ZNF33B: variants seen among roughly 807,000 people sequenced by gnomAD.
ZNF33B encodes zinc finger protein 33B.
In ZNF33B, 29 loss-of-function variants were observed where a neutral mutation model predicts 45.8. That is an observed-to-expected ratio of 0.63 (90% confidence interval 0.47 to 0.86). The LOEUF is 0.86. ZNF33B is among the 40% of genes least tolerant of loss of function. The pLI is 0.00. For missense variants in ZNF33B, 831 were observed against 909.9 expected (o/e 0.91, Z 1.12); for synonymous variants, 305 against 307.8 (o/e 0.99, Z 0.10).
intron 4 of ZNF33B, among the ~76,000 whole-genome samples, chr10:42,596,962 A>G (rs1430799629): frequency 6.6e-6 from 1 of 151,120 alleles, no homozygotes; most frequent in Admixed American, 6.6e-5. Flanking sequence ...TTATACTATC[A>G]GGTATGAGTG....
At chr10:42,625,661 T>A (rs545364720) in intron 4 of ZNF33B, among the ~76,000 whole-genome samples, 1 of 152,290 alleles carries the variant, frequency 6.6e-6, no homozygotes, top group South Asian at 2.1e-4. Context: ...TTAGTAGAGA[T>A]GGGGTTTCTC....
intron 1 of ZNF33B, among the ~76,000 whole-genome samples, chr10:42,576,791 A>G (rs1429275487): frequency 6.6e-6 from 1 of 152,188 alleles, no homozygotes; most frequent in Non-Finnish European, 1.5e-5. Flanking sequence ...GACAGAAACC[A>G]AAGAGTAATC....
chr10:42,586,843 A>C (rs537045419), downstream of ZNF33B, among the ~76,000 whole-genome samples: 2 of 152,346 alleles, frequency 1.3e-5, no homozygotes, highest in East Asian at 3.9e-4. Flanking sequence ...TGAACCATGT[A>C]CTATAACAAA....
At chr10:42,579,165 T>C (rs1432405055) in intron 1 of ZNF33B, among the ~76,000 whole-genome samples, 2 of 152,192 alleles carry the variant, frequency 1.3e-5, no homozygotes, top group Admixed American at 1.3e-4. Flanking sequence ...GACCACCCTT[T>C]GAAGATAACA....
At chr10:42,583,984 C>G (rs548194191) in intron 1 of ZNF33B, among the ~76,000 whole-genome samples, 1 of 152,314 alleles carries the variant, frequency 6.6e-6, no homozygotes, top group South Asian at 2.1e-4. Flanking sequence ...AGCTGCAGCA[C>G]AGCAACCTGT....
intron 4 of ZNF33B, among the ~76,000 whole-genome samples, chr10:42,604,344 C>T (rs1589038285): frequency 6.6e-6 from 1 of 152,110 alleles, no homozygotes; most frequent in Non-Finnish European, 1.5e-5. Context: ...ACTCTGGAGG[C>T]TGAGGCAAGA....
In ZNF33B at chr10:42,614,366, G is replaced by A. The variant is rs192143658; in HGVS notation, c.250+17563C>T. ...ACCATAGCCAAGAGGAGCCTAAAGA[G>A]ACATAACAACTAAATGTAATATGGT... is the stretch of plus-strand genomic sequence containing the variant. On this transcript the variant is annotated intron_variant, in intron 4 of 4. Coordinates refer to ENST00000359467, the MANE Select transcript of ZNF33B (RefSeq NM_006955.3). 1.5e-3 allele frequency: 230 copies of A among 153,656 alleles called. 2 individuals carry two copies. Among genetic ancestry groups the A allele is most frequent in the Non-Finnish European group, 7.3e-4 (50 of 68,218 alleles). The allele number at this position is 153,656 out of a possible 1,614,324, so 9.5% of individuals were successfully genotyped here.
chr10:42,607,156 T>C (rs1032857739), intron 4 of ZNF33B, among the ~76,000 whole-genome samples: 2 of 152,098 alleles, frequency 1.3e-5, no homozygotes, highest in Non-Finnish European at 2.9e-5. Context: ...GAGCTATATA[T>C]AGGTAATGTT....
chr10:42,592,413 G>A lies in ZNF33B; in HGVS notation c.*200C>T, dbSNP rs1837167105. 3 of 807,492 alleles carry A rather than the reference G, an allele frequency of 3.7e-6. No homozygotes were observed. In the Admixed American group the frequency reaches 9.6e-5, roughly 26 times the overall value. 50.0% of individuals were successfully genotyped at this position (807,492 alleles called of 1,614,324 possible). On this transcript the variant is annotated 3_prime_UTR_variant, in exon 5 of 5. Transcript: ENST00000359467. Reference sequence around the variant, plus strand: ...AGTATTAACCATCTGATATTCAACAGAATATCACTTCCTAACAAAAGCCAT... The same window carrying A: ...AGTATTAACCATCTGATATTCAACAAAATATCACTTCCTAACAAAAGCCAT...
intron 4 of ZNF33B, among the ~76,000 whole-genome samples, chr10:42,621,813 G>A (rs1022789854): frequency 4.1e-5 from 6 of 145,300 alleles, no homozygotes; most frequent in Non-Finnish European, 6.1e-5. Flanking sequence ...ACCCACTTTT[G>A]CCAGTGCTAT....
chr10:42,631,448 G>A (rs1839050246), intron 4 of ZNF33B, among the ~76,000 whole-genome samples: 1 of 152,102 alleles, frequency 6.6e-6, no homozygotes, highest in Admixed American at 6.5e-5. Flanking sequence ...CAAGTGATCT[G>A]CTCACCTCGA....
At chr10:42,636,149 A>C (rs1258444083) in intron 2 of ZNF33B, among the ~76,000 whole-genome samples, 1 of 152,160 alleles carries the variant, frequency 6.6e-6, no homozygotes, top group East Asian at 1.9e-4. Flanking sequence ...AAAATAAAAA[A>C]TTTAAAATTA....
chr10:42,593,413 T>G lies in ZNF33B; in HGVS notation c.1537A>C (p.Thr513Pro). Residue 513 changes from threonine to proline, a missense_variant, in exon 5 of 5, where the codon ACC becomes CCC. Thr to Pro is a conservative substitution (Grantham distance 38). Transcript: ENST00000359467. ...GKTFYHKSVL[T>P]RHQIIHTGLK... is the part of the protein sequence containing the mutation. ...CCTGTATGAATTATCTGATGCCTGGTGAGTACTGACTTGTGGTAGAAAGTT... is the reference window on the plus strand; with the variant it reads ...CCTGTATGAATTATCTGATGCCTGGGGAGTACTGACTTGTGGTAGAAAGTT... The G allele has an allele frequency of 1.9e-6, 3 of 1,614,038 alleles. No homozygotes were observed. The highest frequency in any genetic ancestry group is 2.5e-6 in the Non-Finnish European group (3 of 1,179,972).
intron 4 of ZNF33B, among the ~76,000 whole-genome samples, chr10:42,624,418 AAT>A (rs1838713838): frequency 1.3e-5 from 2 of 152,200 alleles, no homozygotes; most frequent in Admixed American, 1.3e-4. Flanking sequence ...TATAGCTATT[AAT>A]ATATACATAC....
At chr10:42,580,869 G>A (rs1341037373) in intron 1 of ZNF33B, among the ~76,000 whole-genome samples, 2 of 151,684 alleles carry the variant, frequency 1.3e-5, no homozygotes, top group Admixed American at 6.6e-5. Flanking sequence ...ACTCCAGCCT[G>A]GGTAACAGAG....
At chr10:42,622,990 G>A (rs929595379) in intron 4 of ZNF33B, among the ~76,000 whole-genome samples, 5 of 152,260 alleles carry the variant, frequency 3.3e-5, no homozygotes, top group East Asian at 1.9e-4. Flanking sequence ...AGGTACGGCC[G>A]GGTGCGGTGG....
At chr10:42,598,323 G>C (rs1837483455) in intron 4 of ZNF33B, among the ~76,000 whole-genome samples, 1 of 152,238 alleles carries the variant, frequency 6.6e-6, no homozygotes, top group Non-Finnish European at 1.5e-5. Flanking sequence ...ACTTAGGGGA[G>C]AGACAAACCA....
chr10:42,588,607 C>T (rs148538194), downstream of ZNF33B, among the ~76,000 whole-genome samples: 126 of 152,326 alleles, frequency 8.3e-4, 1 homozygote, highest in Middle Eastern at 0.024. Context: ...GTCACACCAA[C>T]TCTCAGAAAG....
intron 1 of ZNF33B, among the ~76,000 whole-genome samples, chr10:42,579,404 C>T (rs1455498013): frequency 1.3e-5 from 2 of 152,164 alleles, no homozygotes; most frequent in African/African-American, 4.8e-5. Context: ...CATTTTGAAA[C>T]TAATGTTTCA....
Sources: allele counts gnomAD v4.1 joint callset (sites outside exome capture counted in the v4.1 genomes callset), GRCh38; gene constraint gnomAD v4.1.1; transcripts MANE v1.5; gene names NCBI Gene and HGNC (gene_info 2026-07-23, HGNC 2026-07-21).